Variants in DENND4C observed in about 807,000 individuals in gnomAD.
DENND4C encodes the protein DENN domain-containing protein 4C.
A neutral mutation model predicts 203.0 loss-of-function variants in DENND4C; 108 were observed. The observed-to-expected ratio is 0.53, with a 90% confidence interval of 0.46 to 0.62. The LOEUF (loss-of-function observed/expected upper bound fraction) is 0.62, where lower values mean the gene tolerates loss of function less well. Ranked by LOEUF, DENND4C falls within the 20% of genes least tolerant of loss-of-function variation. The probability of loss-of-function intolerance (pLI) is 0.00; values close to 1 mark genes in which losing one functional copy is unlikely to be tolerated. For synonymous variants in DENND4C, 871 were observed against 792.4 expected (o/e 1.10, Z -1.67); for missense variants, 2,481 against 2,301.2 (o/e 1.08, Z -1.60).
intron 1 of DENND4C, among the ~76,000 whole-genome samples, chr9:19,252,244 A>G (rs1477041573): frequency 3.3e-5 from 5 of 152,132 alleles, no homozygotes. Context: ...CTTTTCTTTT[A>G]AAACCATCAG....
intron 12 of DENND4C, among the ~76,000 whole-genome samples, chr9:19,323,231 A>G (rs1454898217): frequency 9.2e-5 from 14 of 152,170 alleles, no homozygotes; most frequent in Admixed American, 9.2e-4. Flanking sequence ...GGTCCGTTCA[A>G]GACCAGCCTG....
Position 19,316,632 on chromosome 9 carries a change from A to G in DENND4C, c.1600A>G (p.Thr534Ala). 1.2e-6 allele frequency: 2 copies of G among 1,613,082 alleles called. No individual in the cohort carries two copies. The highest frequency in any genetic ancestry group is 1.7e-6 in the Non-Finnish European group (2 of 1,179,744). ...ATTTCCTTTGTTAGTTCACCAAAAA[A>G]CTCAAGAAGGCTCAGCGATTGACAT... Reference protein sequence around the residue: ...YPQLSSVHQKTQEGSAIDMTP... With the variant: ...YPQLSSVHQKAQEGSAIDMTP... The change falls in exon 12 of 33, where the codon ACT becomes GCT. Residue 534 changes from threonine (T) to alanine (A), a missense_variant. Coordinates refer to ENST00000434457, the MANE Select transcript of DENND4C (RefSeq NM_001330640.2).
intron 1 of DENND4C, among the ~76,000 whole-genome samples, chr9:19,240,777 G>A (rs926144799): frequency 6.6e-6 from 1 of 152,138 alleles, no homozygotes; most frequent in African/African-American, 2.4e-5. Context: ...GGCCTGCCTG[G>A]CCAACATGGT....
chr9:19,254,011 T>G (rs2131642717), intron 1 of DENND4C, among the ~76,000 whole-genome samples: 1 of 152,266 alleles, frequency 6.6e-6, no homozygotes, highest in African/African-American at 2.4e-5. Flanking sequence ...GAAAATGAAT[T>G]TTAATTGTTA....
At chr9:19,354,449 T>C (rs1824892882) in intron 26 of DENND4C, among the ~76,000 whole-genome samples, 1 of 152,192 alleles carries the variant, frequency 6.6e-6, no homozygotes, top group Admixed American at 6.5e-5. Context: ...TATATAGCCT[T>C]ACCAGCATTT....
intron 9 of DENND4C, among the ~76,000 whole-genome samples, chr9:19,301,930 C>T (rs774772168): frequency 1.3e-5 from 2 of 152,114 alleles, no homozygotes; most frequent in South Asian, 2.1e-4. Flanking sequence ...AGCAAGACTC[C>T]GTCTCAAAAA....
At chr9:19,300,473 G>A (rs1838331659) in intron 9 of DENND4C, 142 bp downstream of exon 9, 3 of 728,920 alleles carry the variant, frequency 4.1e-6, no homozygotes, top group Non-Finnish European at 5.9e-6. Context: ...CCCAGTAAAA[G>A]TTGAATATAA....
intron 31 of DENND4C, 118 bp downstream of exon 31, chr9:19,370,105 C>T: frequency 1.6e-6 from 2 of 1,219,210 alleles, no homozygotes; most frequent in South Asian, 2.5e-5. Context: ...TGCAAAACAT[C>T]TATTGTTTTA....
At chr9:19,349,795 TAAA>T (rs1476399132) in intron 23 of DENND4C, among the ~76,000 whole-genome samples, 10 of 152,168 alleles carry the variant, frequency 6.6e-5, no homozygotes, top group Non-Finnish European at 1.2e-4. Context: ...CACAGGTGTT[TAAA>T]TAATTAGAAG....
chr9:19,297,935 C>T, intron 6 of DENND4C, 121 bp from the exon 7 acceptor site: 1 of 728,532 alleles, frequency 1.4e-6, no homozygotes, highest in Non-Finnish European at 2.1e-6. Context: ...ACTTAGCCTA[C>T]ATTTTAGATA....
At chr9:19,329,409 A>C (rs900745515) in intron 16 of DENND4C, among the ~76,000 whole-genome samples, 14 of 152,252 alleles carry the variant, frequency 9.2e-5, no homozygotes, top group Non-Finnish European at 1.9e-4. Context: ...TTATTGCTGA[A>C]TAATATTCCA....
At chr9:19,324,794 A>G (rs1428568095) in intron 13 of DENND4C, among the ~76,000 whole-genome samples, 1 of 152,202 alleles carries the variant, frequency 6.6e-6, no homozygotes, top group African/African-American at 2.4e-5. Context: ...ATCATAGCTC[A>G]TTGCAACTTT....
intron 22 of DENND4C, among the ~76,000 whole-genome samples, chr9:19,345,189 C>T (rs1563824935): frequency 6.6e-6 from 1 of 152,196 alleles, no homozygotes; most frequent in Non-Finnish European, 1.5e-5. Flanking sequence ...AAACAAATTG[C>T]ATGGTAGCCA....
chr9:19,243,763 C>G (rs899498317), intron 1 of DENND4C, among the ~76,000 whole-genome samples: 8 of 152,152 alleles, frequency 5.3e-5, no homozygotes, highest in African/African-American at 1.9e-4. Context: ...TACATTGCTT[C>G]TACCTTTTGG....
chr9:19,316,878 G>A (rs753122511), intron 12 of DENND4C, 39 bp downstream of exon 12: 1 of 1,510,070 alleles, frequency 6.6e-7, no homozygotes, highest in Non-Finnish European at 9.0e-7. Context: ...TTATTGAGGT[G>A]AAAAATATTT....
intron 1 of DENND4C, among the ~76,000 whole-genome samples, chr9:19,237,604 G>A (rs568027674): frequency 1.4e-4 from 22 of 151,888 alleles, no homozygotes; most frequent in African/African-American, 4.6e-4. Context: ...TGATCCGCCC[G>A]CCTCGACCTC....
chr9:19,370,406 A>T (rs1828580374), intron 31 of DENND4C, among the ~76,000 whole-genome samples: 1 of 152,024 alleles, frequency 6.6e-6, no homozygotes, highest in African/African-American at 2.4e-5. Flanking sequence ...GTCAGCTGTG[A>T]TCACACCGCT....
intron 17 of DENND4C, among the ~76,000 whole-genome samples, chr9:19,333,355 T>C (rs1200396660): frequency 1.3e-5 from 2 of 152,074 alleles, no homozygotes; most frequent in Non-Finnish European, 2.9e-5. Flanking sequence ...TATTAGAAAA[T>C]GTAGCTTTGA....
At chr9:19,322,482 C>T (rs1843034236) in intron 12 of DENND4C, among the ~76,000 whole-genome samples, 1 of 151,538 alleles carries the variant, frequency 6.6e-6, no homozygotes. Flanking sequence ...CCAGTGGAGG[C>T]CAGGCGCGGT....
Sources: allele counts gnomAD v4.1 joint callset (sites outside exome capture counted in the v4.1 genomes callset), GRCh38; gene constraint gnomAD v4.1.1; transcripts MANE v1.5; gene names NCBI Gene and HGNC (gene_info 2026-07-23, HGNC 2026-07-21).